Variants in ADGRL1 observed in about 807,000 individuals in gnomAD.
ADGRL1 encodes the protein adhesion G protein-coupled receptor L1.
In ADGRL1, 31 loss-of-function variants were observed where a neutral mutation model predicts 148.9. The ratio of observed to expected loss-of-function variants is 0.21; its 90% CI spans 0.16 to 0.28. The LOEUF is 0.28. ADGRL1 is among the 10% of genes least tolerant of loss of function. The pLI is 1.00. For missense variants in ADGRL1, 1,521 were observed against 2,058.8 expected (o/e 0.74, Z 5.05); for synonymous variants, 937 against 900.3 (o/e 1.04, Z -0.73).
At chr19:14,163,469 A>G (rs1222201542) in intron 4 of ADGRL1, 63 bp from the exon 5 acceptor site, 34 of 450,920 alleles carry the variant, frequency 7.5e-5, no homozygotes, top group African/African-American at 1.2e-4. Flanking sequence ...GAGGGAGGAG[A>G]GAGAGAGAGA....
chr19:14,160,162 G>T lies in ADGRL1; in HGVS notation c.1750C>A (p.Gln584Lys). Residue 584 changes from glutamine to lysine, a missense_variant, in exon 8 of 23, where the codon CAG becomes AAG. Gln to Lys is a moderately conservative substitution (Grantham distance 53, BLOSUM62 1). This residue lies in a region of ADGRL1 where 265 missense variants were observed against 431.9 expected (regional missense o/e 0.61). Transcript: ENST00000361434. The surrounding 1 kb of genome is among the most constrained non-coding windows in gnomAD (Gnocchi z 5.9). ...TCGCGCTCGATGGGCCGCAGGGCCT[G>T]CAGCTGGGCATCCAGGATGTCCAGC... is the stretch of plus-strand genomic sequence containing the variant. ...QLLDILDAQL[Q>K]ALRPIERESA... The T allele has an allele frequency of 6.3e-7, 1 of 1,597,254 alleles. No homozygotes were observed.
At chr19:14,165,987 A>G (rs1474601150) in intron 4 of ADGRL1, among the ~76,000 whole-genome samples, 1 of 152,100 alleles carries the variant, frequency 6.6e-6, no homozygotes, top group Non-Finnish European at 1.5e-5. Context: ...GAAGCCCCTC[A>G]GCAGCAGCAC....
chr19:14,189,355 G>A (rs779683123), intron 1 of ADGRL1, among the ~76,000 whole-genome samples: 7 of 151,966 alleles, frequency 4.6e-5, no homozygotes, highest in African/African-American at 7.3e-5. Flanking sequence ...TGAGTAGCTG[G>A]GACTATAGTC....
rs771906895 is a variant in ADGRL1, at chr19:14,152,778, C to T, written c.3423+6G>A. ...CAGCCCCAGGGAGTCCTGTCTGGCC[C>T]GATACCTGGGTCCCTGTGTAGTAGC... is the stretch of plus-strand genomic sequence containing the variant. On this transcript the variant is annotated splice_donor_region_variant and intron_variant, in intron 19 of 22. Transcript: ENST00000361434. This position sits in a 1 kb window ranked among gnomAD's most constrained non-coding sequence, Gnocchi z 6.1. The T allele has an allele frequency of 1.1e-5, 18 of 1,613,764 alleles. 1 individual carries two copies. The highest frequency in any genetic ancestry group is 1.6e-4 in the Middle Eastern group (1 of 6,084).
At chr19:14,201,015 C>T (rs1352457270) in intron 1 of ADGRL1, among the ~76,000 whole-genome samples, 1 of 152,152 alleles carries the variant, frequency 6.6e-6, no homozygotes, top group Non-Finnish European at 1.5e-5. Context: ...TGAGGTGTTA[C>T]GACTGTGGGG....
chr19:14,152,456 G>A lies in ADGRL1; in HGVS notation c.3521-19C>T, dbSNP rs188587690. The A allele has an allele frequency of 2.5e-6, 4 of 1,607,668 alleles. No individual in the cohort carries two copies. The highest frequency in any genetic ancestry group is 4.5e-5 in the East Asian group (2 of 44,716). ...ATGGTACCTGGCCAAAGGATCAGAG[G>A]TCACAAGGCAGCCGGGAGCCTCCAG... On this transcript the variant is annotated intron_variant, in intron 20 of 22. Transcript: ENST00000361434. The surrounding 1 kb of genome is among the most constrained non-coding windows in gnomAD (Gnocchi z 6.1).
chr19:14,158,458 C>T lies in ADGRL1; in HGVS notation c.2244G>A (p.Pro748=), dbSNP rs562136668. ...ATVKLAGEAG[P]GGPGGASLVV... ...CTAGAGAGGCGCCCCCAGGGCCACC[C>T]GGGCCTGCTTCGCCGGCCAGCTTCA... The change falls in exon 12 of 23, where the codon CCG becomes CCA. Residue 748 remains proline (P), a synonymous_variant. Coordinates refer to ENST00000361434, the MANE Select transcript of ADGRL1 (RefSeq NM_014921.5). The T allele has an allele frequency of 1.2e-5, 19 of 1,613,868 alleles. No homozygotes were observed. Among genetic ancestry groups the T allele is most frequent in the African/African-American group, 6.7e-5 (5 of 75,056 alleles).
In ADGRL1 at chr19:14,155,968, G is replaced by C; in HGVS notation, c.3125+142C>G. On this transcript the variant is annotated intron_variant, in intron 17 of 22. Transcript: ENST00000361434. The surrounding 1 kb of genome is among the most constrained non-coding windows in gnomAD (Gnocchi z 5.0). ...AAGTAGGTACATAGTGAACACAATA[G>C]AACACCCCTGTTGGTACTTAAAATT... 1 of 663,800 alleles carries C rather than the reference G, an allele frequency of 1.5e-6. No homozygotes were observed. Among genetic ancestry groups the C allele is most frequent in the Non-Finnish European group, 2.7e-6 (1 of 366,548 alleles). 41.1% of individuals were successfully genotyped at this position (663,800 alleles called of 1,614,324 possible). A position where few individuals can be genotyped will look rare whatever the true frequency, so the allele number is the denominator to read the frequency against.
At chr19:14,205,642 C>G (rs1972946201) in intron 1 of ADGRL1, among the ~76,000 whole-genome samples, 1 of 151,458 alleles carries the variant, frequency 6.6e-6, no homozygotes. Flanking sequence ...CGCTTCCCCA[C>G]AAAGGCTGGC....
intron 1 of ADGRL1, among the ~76,000 whole-genome samples, chr19:14,196,628 AAAAC>A (rs1427874048): frequency 6.6e-6 from 1 of 152,092 alleles, no homozygotes; most frequent in African/African-American, 2.4e-5. Flanking sequence ...TCAAAAACAA[AAAAC>A]AAACAAGCCC....
At position 14,156,977 on chromosome 19, in the gene ADGRL1, C is replaced by G; in HGVS notation, c.2914G>C (p.Val972Leu). 6.2e-7 allele frequency: 1 copy of G among 1,613,720 alleles called. No homozygotes were observed. The highest frequency in any genetic ancestry group is 8.5e-7 in the Non-Finnish European group (1 of 1,179,942). The part of the protein sequence containing the change: ...YLGGYCFPAL[V>L]VGIAAAIDYR... ...TCAATGGCAGCCGCGATGCCCACCA[C>G]CAGGGCCGGGAAGCAGTAGCCACCC... The change falls in exon 15 of 23, where the codon GTG becomes CTG. Residue 972 changes from valine (V) to leucine (L), a missense_variant. Physicochemically the swap from Val to Leu is conservative, Grantham distance 32. Transcript: ENST00000361434.
Position 14,160,406 on chromosome 19 carries a change from C to T in ADGRL1, c.1615-109G>A. The stretch of plus-strand genomic sequence containing the variant: ...CCTCTCCTATCTCTCTCTCCACTTC[C>T]CCATCGCCATCTGCCCCTTCCCACC... On this transcript the variant is annotated intron_variant, in intron 7 of 22. Coordinates refer to ENST00000361434, the MANE Select transcript of ADGRL1 (RefSeq NM_014921.5). This position sits in a 1 kb window ranked among gnomAD's most constrained non-coding sequence, Gnocchi z 5.9. 9.1e-7 allele frequency: 1 copy of T among 1,102,670 alleles called. No individual in the cohort carries two copies. The highest frequency in any genetic ancestry group is 1.3e-6 in the Non-Finnish European group (1 of 778,452). 68.3% of individuals were successfully genotyped at this position (1,102,670 alleles called of 1,614,324 possible). A position where few individuals can be genotyped will look rare whatever the true frequency, so the allele number is the denominator to read the frequency against.
Position 14,149,593 on chromosome 19 carries a change from G to T in ADGRL1, c.*1280C>A, listed in dbSNP as rs1477246822. On this transcript the variant is annotated 3_prime_UTR_variant, in exon 23 of 23. Transcript: ENST00000361434. Reference sequence around the variant, plus strand: ...CTCCCCCGGGCCGGTGGGGAGGGAAGGGGGAGACAGGCCTCTGGTCCTGGG... The same window carrying T: ...CTCCCCCGGGCCGGTGGGGAGGGAATGGGGAGACAGGCCTCTGGTCCTGGG... The T allele has an allele frequency of 6.5e-6, 1 of 152,800 alleles. No individual in the cohort carries two copies. The allele number at this position is 152,800 out of a possible 1,614,324, so 9.5% of individuals were successfully genotyped here.
Position 14,162,619 on chromosome 19 carries a change from G to A in ADGRL1, c.1182C>T (p.Pro394=), listed in dbSNP as rs754091921. The A allele has an allele frequency of 1.1e-5, 17 of 1,606,210 alleles. No individual in the cohort carries two copies. The highest frequency in any genetic ancestry group is 5.5e-5 in the South Asian group (5 of 90,676). ...AGTCGTCCTCACCAGCACTGGGGTC[G>A]GGCGGCCCGAACTCCAGGCTGTAGC... ...VVRYSLEFGP[P]DPSAGPATSP... Residue 394 remains proline, a synonymous_variant, in exon 5 of 23, where the codon CCC becomes CCT. Transcript: ENST00000361434. This position sits in a 1 kb window ranked among gnomAD's most constrained non-coding sequence, Gnocchi z 5.4.
chr19:14,174,917 T>C (rs1970715773), intron 3 of ADGRL1, among the ~76,000 whole-genome samples: 1 of 150,374 alleles, frequency 6.7e-6, no homozygotes, highest in Non-Finnish European at 1.5e-5. Context: ...TCATAGCTCA[T>C]TGAAGCCTCA....
At chr19:14,186,205 T>C (rs1415341279) in intron 1 of ADGRL1, among the ~76,000 whole-genome samples, 2 of 152,142 alleles carry the variant, frequency 1.3e-5, no homozygotes, top group Non-Finnish European at 2.9e-5. Context: ...ACCACAGGTA[T>C]GCACCATCAC....
chr19:14,153,582 A>ATTT (rs34163270), intron 18 of ADGRL1, among the ~76,000 whole-genome samples: 2 of 128,434 alleles, frequency 1.6e-5, no homozygotes, highest in Admixed American at 8.0e-5. Context: ...CACCTGGCTA[A>ATTT]TTTTTTTTTT....
chr19:14,151,324 G>C lies in ADGRL1; in HGVS notation c.3959C>G (p.Pro1320Arg). Residue 1320 changes from proline (P) to arginine (R), a missense_variant, in exon 23 of 23, where the codon CCC becomes CGC. By Grantham distance (103) the Pro-to-Arg change is moderately radical (BLOSUM62 -2). Transcript: ENST00000361434. ...GGGGEEEAGG[P>R]GGADRAEIEL... ...AATCTCGGCCCGGTCAGCACCCCCG[G>C]GCCCGCCCGCCTCTTCCTCGCCCCC... 1 of 1,592,492 alleles carries C rather than the reference G, an allele frequency of 6.3e-7. No individual in the cohort carries two copies. The highest frequency in any genetic ancestry group is 8.5e-7 in the Non-Finnish European group (1 of 1,171,010).
At position 14,150,985 on chromosome 19, in the gene ADGRL1, T is replaced by C. The variant is rs1968103705; in HGVS notation, c.4298A>G (p.Gln1433Arg). 2 of 1,571,110 alleles carry C rather than the reference T, an allele frequency of 1.3e-6. No individual in the cohort carries two copies. The highest frequency in any genetic ancestry group is 4.7e-5 in the East Asian group (2 of 42,478). The change falls in exon 23 of 23, where the codon CAG becomes CGG. Residue 1433 changes from glutamine (Q) to arginine (R), a missense_variant. Coordinates refer to ENST00000361434, the MANE Select transcript of ADGRL1 (RefSeq NM_014921.5). ...PPALVARNPL[Q>R]GYYQVRRPSH... ...AGGACGCCGCACCTGGTAGTAGCCC[T>C]GCAGGGGATTCCGGGCCACCAGGGC...
Sources: allele counts gnomAD v4.1 joint callset (sites outside exome capture counted in the v4.1 genomes callset), GRCh38; gene constraint gnomAD v4.1.1; regional missense constraint gnomAD v4.1.1; non-coding constraint Gnocchi (gnomAD v3.1); transcripts MANE v1.5; gene names NCBI Gene and HGNC (gene_info 2026-07-23, HGNC 2026-07-21).